BNC2: variants seen among roughly 807,000 people sequenced by gnomAD.
The protein encoded by BNC2 is zinc finger protein basonuclin-2.
In BNC2, 20 loss-of-function variants were observed where a neutral mutation model predicts 76.3. The observed-to-expected ratio is 0.26, with a 90% CI of 0.18 to 0.38. The LOEUF is 0.38. Among genes scored for constraint, BNC2 ranks in the 10% least tolerant of loss-of-function variants. The probability of loss-of-function intolerance (pLI) is 1.00; values close to 1 mark genes in which losing one functional copy is unlikely to be tolerated. For missense variants in BNC2, 1,382 were observed against 1,399.8 expected (o/e 0.99, Z 0.20); for synonymous variants, 582 against 514.8 (o/e 1.13, Z -1.77).
chr9:16,856,031 T>TA (rs1418709223), intron 1 of BNC2, among the ~76,000 whole-genome samples: 1 of 152,138 alleles, frequency 6.6e-6, no homozygotes, highest in Non-Finnish European at 1.5e-5. Flanking sequence ...AAACAGTAAG[T>TA]AAGACACTCA....
chr9:16,775,365 A>G (rs576364558), intron 1 of BNC2, among the ~76,000 whole-genome samples: 82 of 150,280 alleles, frequency 5.5e-4, no homozygotes, highest in African/African-American at 1.9e-3. Flanking sequence ...AGGAGTCCAT[A>G]CCACTGTTTC....
chr9:16,754,799 C>T (rs952186985), intron 1 of BNC2, among the ~76,000 whole-genome samples: 2 of 152,198 alleles, frequency 1.3e-5, no homozygotes, highest in African/African-American at 4.8e-5. Context: ...CTCAGGTGAT[C>T]TGCCTGCCTC....
At position 16,437,264 on chromosome 9, in the gene BNC2, A is replaced by T; in HGVS notation, c.930T>A (p.His310Gln). 6.2e-7 allele frequency: 1 copy of T among 1,614,184 alleles called. No homozygotes were observed. Among genetic ancestry groups the T allele is most frequent in the Non-Finnish European group, 8.5e-7 (1 of 1,180,034 alleles). ...GGCTGTTTGGGATGTTTTCGAAGTG[A>T]TGAATGCTGGAAGGATTGCTGTTCT... ...HLENSNPSSIHHFENIPNSLA... is the reference protein window; with the variant it reads ...HLENSNPSSIQHFENIPNSLA... The change falls in exon 6 of 7, where the codon CAT (histidine) becomes CAA (glutamine). Residue 310 changes from histidine to glutamine, a missense_variant. This residue lies in a region of BNC2 where 557 missense variants were observed against 540.9 expected (regional missense o/e 1.03). Transcript: ENST00000380672.
rs1819666908 is a variant in BNC2, at chr9:16,582,915, A to ACACC, written c.433+67_433+68insGGTG. On this transcript the variant is annotated intron_variant, in intron 4 of 6. Transcript: ENST00000380672. ...CAGACACACACACACACACACACAC[A>ACACC]CACACACACACACACACACGAACAT... is the stretch of plus-strand genomic sequence containing the variant. 10 of 1,124,400 alleles carry ACACC rather than the reference A, an allele frequency of 8.9e-6. No homozygotes were observed. The East Asian group carries it at 2.1e-4, about 24-fold the overall frequency. 69.7% of individuals were successfully genotyped at this position (1,124,400 alleles called of 1,614,324 possible).
chr9:16,683,471 G>A (rs759233674), intron 3 of BNC2, among the ~76,000 whole-genome samples: 4 of 152,160 alleles, frequency 2.6e-5, no homozygotes, highest in Non-Finnish European at 4.4e-5. Flanking sequence ...CTCTAGTGAT[G>A]ATAATGCCTA....
At chr9:16,575,730 C>A (rs1563846733) in intron 4 of BNC2, among the ~76,000 whole-genome samples, 1 of 152,136 alleles carries the variant, frequency 6.6e-6, no homozygotes, top group African/African-American at 2.4e-5. Context: ...CTGTGCCAGG[C>A]AGGAAAATGG....
intron 3 of BNC2, among the ~76,000 whole-genome samples, chr9:16,683,881 G>A (rs1432889242): frequency 6.6e-6 from 1 of 152,126 alleles, no homozygotes; most frequent in Non-Finnish European, 1.5e-5. Context: ...CTTCCACGCA[G>A]TCCACCAAAA....
At chr9:16,454,640 C>T (rs550682441) in intron 5 of BNC2, among the ~76,000 whole-genome samples, 93 of 152,228 alleles carry the variant, frequency 6.1e-4, no homozygotes, top group African/African-American at 2.1e-3. Context: ...TAATTTGTTT[C>T]TGTTGAAAAC....
At chr9:16,794,973 C>G (rs1226327523) in intron 1 of BNC2, among the ~76,000 whole-genome samples, 1 of 151,998 alleles carries the variant, frequency 6.6e-6, no homozygotes, top group Non-Finnish European at 1.5e-5. Flanking sequence ...AAGGAAAATA[C>G]AAATACTCTC....
chr9:16,849,837 C>A (rs1338523960), intron 1 of BNC2, among the ~76,000 whole-genome samples: 1 of 152,030 alleles, frequency 6.6e-6, no homozygotes, highest in African/African-American at 2.4e-5. Flanking sequence ...CAAAAACAAA[C>A]CCTAAAGTAC....
chr9:16,711,636 C>G (rs1563910684), intron 3 of BNC2, among the ~76,000 whole-genome samples: 1 of 152,160 alleles, frequency 6.6e-6, no homozygotes, highest in Non-Finnish European at 1.5e-5. Context: ...TCTTTCCTAA[C>G]TCATTTTGTT....
At chr9:16,768,489 T>G (rs757427612) in intron 1 of BNC2, among the ~76,000 whole-genome samples, 29 of 152,056 alleles carry the variant, frequency 1.9e-4, no homozygotes, top group Middle Eastern at 3.2e-3. Context: ...AATGCAGAGT[T>G]GGGGAGATGT....
intron 1 of BNC2, among the ~76,000 whole-genome samples, chr9:16,850,879 T>C (rs989579900): frequency 3.3e-5 from 5 of 152,148 alleles, no homozygotes; most frequent in African/African-American, 7.2e-5. Flanking sequence ...CAAAAGACTT[T>C]TGAAGATTCA....
intron 3 of BNC2, among the ~76,000 whole-genome samples, chr9:16,675,372 G>C (rs774189695): frequency 2.6e-5 from 4 of 151,992 alleles, no homozygotes; most frequent in Non-Finnish European, 5.9e-5. Context: ...TCCCGCCTCA[G>C]CCTTCAGAAT....
At chr9:16,842,668 A>G (rs1818863170) in intron 1 of BNC2, among the ~76,000 whole-genome samples, 1 of 152,202 alleles carries the variant, frequency 6.6e-6, no homozygotes, top group African/African-American at 2.4e-5. Context: ...AAACATTAAC[A>G]TTTGGGAAAT....
rs557737312 is a variant in BNC2 at position 16,482,850 on chromosome 9, T to C, written c.670-45326A>G. On this transcript the variant is annotated intron_variant, in intron 5 of 6. Coordinates refer to ENST00000380672, the MANE Select transcript of BNC2 (RefSeq NM_017637.6). ...CCACGGAGTCACTGAACCCCTCAGA[T>C]GGCTCTAAGTGAAAAGTCATGCAAA... 1.2e-3 allele frequency among the ~76,000 whole-genome samples: 184 copies of C among 152,302 alleles called. 1 individual carries two copies. Among genetic ancestry groups the C allele is most frequent in the African/African-American group, 4.3e-3 (178 of 41,582 alleles).
At chr9:16,455,069 C>A (rs1209326547) in intron 5 of BNC2, among the ~76,000 whole-genome samples, 1 of 152,078 alleles carries the variant, frequency 6.6e-6, no homozygotes, top group African/African-American at 2.4e-5. Flanking sequence ...AGAAACGGAG[C>A]CCCAGGTGCA....
intron 5 of BNC2, among the ~76,000 whole-genome samples, chr9:16,440,566 A>G (rs1214853464): frequency 6.6e-6 from 1 of 152,202 alleles, no homozygotes; most frequent in African/African-American, 2.4e-5. Flanking sequence ...TACTTATACA[A>G]CTGGCAGCCT....
chr9:16,562,552 A>G (rs1208330607), intron 4 of BNC2, among the ~76,000 whole-genome samples: 1 of 152,244 alleles, frequency 6.6e-6, no homozygotes, highest in Admixed American at 6.5e-5. Flanking sequence ...TTTACCATTA[A>G]TCATCATTTT....
Sources: gnomAD v4.1 joint callset for allele counts (sites outside exome capture counted in the v4.1 genomes callset) on GRCh38, gnomAD v4.1.1 for gene constraint, gnomAD v4.1.1 regional missense constraint, MANE v1.5 for transcripts, NCBI Gene and HGNC (gene_info 2026-07-23, HGNC 2026-07-21) for gene names.